Variants in DSCAM observed in about 807,000 individuals in gnomAD.
DSCAM encodes the protein DS cell adhesion molecule.
In DSCAM, 47 loss-of-function variants were observed where a neutral mutation model predicts 217.7. That is an observed-to-expected ratio of 0.22 (90% confidence interval 0.17 to 0.28). DSCAM has a LOEUF of 0.28. Ranked by LOEUF, DSCAM falls within the 10% of genes least tolerant of loss-of-function variation. The pLI, the probability that DSCAM is intolerant of heterozygous loss-of-function variation, is 1.00. For synonymous variants in DSCAM, 1,056 were observed against 1,015.3 expected, an observed-to-expected ratio of 1.04 and a Z score of -0.76; for missense variants, 2,080 against 2,618.3, an observed-to-expected ratio of 0.79 and a Z score of 4.49.
At chr21:40,591,928 G>A (rs1422101369) in intron 3 of DSCAM, among the ~76,000 whole-genome samples, 1 of 152,146 alleles carries the variant, frequency 6.6e-6, no homozygotes, top group Non-Finnish European at 1.5e-5. Flanking sequence ...GAATTAAAGA[G>A]CAAGAAAGGG....
intron 3 of DSCAM, among the ~76,000 whole-genome samples, chr21:40,430,593 G>T (rs1472532782): frequency 1.3e-5 from 2 of 152,142 alleles, no homozygotes; most frequent in African/African-American, 2.4e-5. Flanking sequence ...CTATGATTGT[G>T]TAAGTTAATA....
At chr21:40,338,944 T>C (rs1213614714) in intron 7 of DSCAM, among the ~76,000 whole-genome samples, 175 bp downstream of exon 7, 1 of 152,186 alleles carries the variant, frequency 6.6e-6, no homozygotes, top group Admixed American at 6.5e-5. Flanking sequence ...CAAAATGCCA[T>C]TTCCAACATT....
intron 14 of DSCAM, among the ~76,000 whole-genome samples, chr21:40,181,424 T>G (rs2146807553): frequency 6.6e-6 from 1 of 152,254 alleles, no homozygotes; most frequent in South Asian, 2.1e-4. Context: ...GCTCCCTATC[T>G]TGGTCATTCC....
At chr21:40,159,042 A>G (rs2090509716) in intron 16 of DSCAM, among the ~76,000 whole-genome samples, 1 of 152,188 alleles carries the variant, frequency 6.6e-6, no homozygotes, top group South Asian at 2.1e-4. Flanking sequence ...GCTTCATGCT[A>G]CCTTGAAAAT....
chr21:40,628,726 TATC>T (rs1568947981), intron 3 of DSCAM, among the ~76,000 whole-genome samples: 3 of 144,788 alleles, frequency 2.1e-5, no homozygotes, highest in Non-Finnish European at 4.6e-5. Flanking sequence ...TCTATCTATC[TATC>T]TATCTATCTA....
At chr21:40,627,802 C>T (rs1486217728) in intron 3 of DSCAM, among the ~76,000 whole-genome samples, 1 of 152,166 alleles carries the variant, frequency 6.6e-6, no homozygotes, top group East Asian at 1.9e-4. Flanking sequence ...ACAGAGAAAT[C>T]GAACCATTAT....
At chr21:40,774,349 G>A (rs2091470402) in intron 1 of DSCAM, among the ~76,000 whole-genome samples, 1 of 152,246 alleles carries the variant, frequency 6.6e-6, no homozygotes, top group African/African-American at 2.4e-5. Flanking sequence ...TAATGGTCAG[G>A]TGAAGCTCCG....
intron 3 of DSCAM, among the ~76,000 whole-genome samples, chr21:40,609,329 C>A (rs140394279): frequency 7.9e-5 from 12 of 152,270 alleles, no homozygotes; most frequent in African/African-American, 2.9e-4. Flanking sequence ...AAACTATGCA[C>A]ATCATATGAA....
chr21:40,343,383 T>A (rs890450716), intron 6 of DSCAM, among the ~76,000 whole-genome samples: 1 of 152,150 alleles, frequency 6.6e-6, no homozygotes, highest in Non-Finnish European at 1.5e-5. Context: ...TGAAAAACAT[T>A]TAGTGTTTAA....
intron 1 of DSCAM, among the ~76,000 whole-genome samples, chr21:40,778,844 G>A (rs1007378769): frequency 3.3e-5 from 5 of 151,828 alleles, no homozygotes; most frequent in African/African-American, 1.2e-4. Context: ...GACCAAAATG[G>A]AGAAAACCCA....
At chr21:40,620,022 AAGAAAG>A (rs1379817957) in intron 3 of DSCAM, among the ~76,000 whole-genome samples, 9 of 129,696 alleles carry the variant, frequency 6.9e-5, no homozygotes, top group Admixed American at 3.7e-4. Context: ...AAGAAAAAGA[AAGAAAG>A]AGAGAGAGAA....
chr21:40,040,682 T>G (rs541446000), intron 32 of DSCAM, among the ~76,000 whole-genome samples: 7 of 152,282 alleles, frequency 4.6e-5, no homozygotes, highest in South Asian at 2.1e-4. Flanking sequence ...GCTGAGTGCC[T>G]CCTCTGCTGA....
Position 40,169,159 on chromosome 21 carries a change from T to C in DSCAM, c.2948-1871A>G, listed in dbSNP as rs911765546. Among the ~76,000 whole-genome samples, 4 of 152,076 alleles carry C rather than the reference T, an allele frequency of 2.6e-5. No individual in the cohort carries two copies. The South Asian group carries it at 8.3e-4, about 32-fold the overall frequency. ...AGTGGGGCAAAGGAACAAATACCTC[T>C]GGGATGGGAGGAGGGCAGAGCGACG... On this transcript the variant is annotated intron_variant, in intron 15 of 32. Coordinates refer to ENST00000400454, the MANE Select transcript of DSCAM (RefSeq NM_001389.5).
At chr21:40,804,837 T>A (rs533416675) in intron 1 of DSCAM, among the ~76,000 whole-genome samples, 1 of 152,306 alleles carries the variant, frequency 6.6e-6, no homozygotes, top group African/African-American at 2.4e-5. Context: ...TCTAGGACTA[T>A]CTACTGAGCT....
chr21:40,665,481 C>G (rs1451953588), intron 3 of DSCAM, among the ~76,000 whole-genome samples: 1 of 152,158 alleles, frequency 6.6e-6, no homozygotes, highest in African/African-American at 2.4e-5. Context: ...CCTCTCCGCA[C>G]TTTCATTTTT....
At chr21:40,057,960 C>T (rs900576520) in intron 28 of DSCAM, among the ~76,000 whole-genome samples, 2 of 146,656 alleles carry the variant, frequency 1.4e-5, no homozygotes, top group African/African-American at 5.0e-5. Flanking sequence ...ACTGCAAGCT[C>T]CGCCTCCCAG....
intron 3 of DSCAM, among the ~76,000 whole-genome samples, chr21:40,582,267 A>G (rs2076911259): frequency 6.6e-6 from 1 of 152,240 alleles, no homozygotes; most frequent in Non-Finnish European, 1.5e-5. Context: ...GTGTTTAAAT[A>G]ATGAGAATAC....
At chr21:40,084,062 T>C in intron 23 of DSCAM, 56 bp from the exon 24 acceptor site, 2 of 1,397,144 alleles carry the variant, frequency 1.4e-6, no homozygotes, top group East Asian at 2.4e-5. Flanking sequence ...TCTTTAACTT[T>C]CCTGAACAGT....
intron 1 of DSCAM, among the ~76,000 whole-genome samples, chr21:40,713,586 G>A (rs1200709458): frequency 2.0e-5 from 3 of 152,138 alleles, no homozygotes; most frequent in Non-Finnish European, 4.4e-5. Context: ...GTGGGGATGA[G>A]GAAGGGCAAG....
Sources: gnomAD v4.1 joint callset for allele counts (sites outside exome capture counted in the v4.1 genomes callset) on GRCh38, gnomAD v4.1.1 for gene constraint, MANE v1.5 for transcripts, NCBI Gene and HGNC (gene_info 2026-07-23, HGNC 2026-07-21) for gene names.